Variants in TMC2 observed in about 807,000 individuals in gnomAD.
TMC2 encodes transmembrane channel-like protein 2.
TMC2 carries 102 observed loss-of-function variants against 105.9 expected under a neutral mutation model. The ratio of observed to expected loss-of-function variants is 0.96; its 90% confidence interval spans 0.82 to 1.14. TMC2 has a LOEUF of 1.14. Ranked by LOEUF, TMC2 falls within the 50% of genes most tolerant of loss-of-function variation. TMC2 has a pLI of 0.00. For missense variants in TMC2, 1,093 were observed against 1,134.3 expected (o/e 0.96, Z 0.52); for synonymous variants, 402 against 422.8 (o/e 0.95, Z 0.60).
intron 2 of TMC2, among the ~76,000 whole-genome samples, chr20:2,538,062 C>G (rs1414704295): frequency 6.6e-6 from 1 of 151,204 alleles, no homozygotes; most frequent in Admixed American, 6.6e-5. Context: ...GAGGGAGGGC[C>G]CTTTCCACTC....
chr20:2,589,542 ACTT>A (rs2086254723), intron 7 of TMC2, among the ~76,000 whole-genome samples: 1 of 152,122 alleles, frequency 6.6e-6, no homozygotes, highest in African/African-American at 2.4e-5. Context: ...ATGCACAATC[ACTT>A]CTTCAGAATT....
chr20:2,608,138 A>G (rs550732795), intron 11 of TMC2, among the ~76,000 whole-genome samples: 8,382 of 148,092 alleles, frequency 0.057, 598 homozygotes, highest in African/African-American at 0.16. Flanking sequence ...AAAAAAAAAG[A>G]AAAAAAGAAA....
chr20:2,577,991 T>C (rs1180354943), intron 5 of TMC2, among the ~76,000 whole-genome samples: 1 of 152,136 alleles, frequency 6.6e-6, no homozygotes, highest in Non-Finnish European at 1.5e-5. Context: ...GAATATCTCA[T>C]GTCCTCCATG....
chr20:2,556,338 C>A lies in TMC2; in HGVS notation c.83-2118C>A, dbSNP rs187879130. ...TCATGATCCACCCACCTCAGCCTCC[C>A]AAAGTGCTGGGATTACAGGCGTGAG... On this transcript the variant is annotated intron_variant, in intron 2 of 19. Coordinates refer to ENST00000358864, the MANE Select transcript of TMC2 (RefSeq NM_080751.3). 1.1e-4 allele frequency among the ~76,000 whole-genome samples: 16 copies of A among 152,334 alleles called. No homozygotes were observed. In the East Asian group the frequency reaches 3.1e-3, roughly 29 times the overall value.
At chr20:2,549,561 G>A (rs545396524) in intron 2 of TMC2, among the ~76,000 whole-genome samples, 15 of 152,210 alleles carry the variant, frequency 9.9e-5, no homozygotes, top group African/African-American at 3.4e-4. Flanking sequence ...TGGCCAACAC[G>A]GTGAAACCCT....
rs4815320 is a variant in TMC2 at position 2,558,922 on chromosome 20, T to C, written c.401+148T>C. ...TCTGGCTTCCGTGCCTCCCAGCCCTTACCACTGCCCCACTCTGCGGTGGGT... is the reference window on the plus strand; with the variant it reads ...TCTGGCTTCCGTGCCTCCCAGCCCTCACCACTGCCCCACTCTGCGGTGGGT... On this transcript the variant is annotated intron_variant, in intron 3 of 19. Transcript: ENST00000358864. The surrounding 1 kb of genome is among the most constrained non-coding windows in gnomAD (Gnocchi z 4.6). 1 of 778,576 alleles carries C rather than the reference T, an allele frequency of 1.3e-6. No homozygotes were observed. Among genetic ancestry groups the C allele is most frequent in the Non-Finnish European group, 2.0e-6 (1 of 503,142 alleles). 48.2% of individuals were successfully genotyped at this position (778,576 alleles called of 1,614,324 possible). A position where few individuals can be genotyped will look rare whatever the true frequency, so the allele number is the denominator to read the frequency against.
intron 10 of TMC2, among the ~76,000 whole-genome samples, chr20:2,598,055 C>G (rs1215639781): frequency 6.6e-6 from 1 of 152,134 alleles, no homozygotes. Context: ...TTAGAATACT[C>G]AGAAAGAGCT....
Position 2,546,098 on chromosome 20 carries a change from GTTTT to G in TMC2, c.82+8783_82+8786del, listed in dbSNP as rs2085924770. Among the ~76,000 whole-genome samples the G allele has an allele frequency of 3.9e-5, 6 of 152,250 alleles. No homozygotes were observed. In the South Asian group the frequency reaches 1.2e-3, roughly 32 times the overall value. On this transcript the variant is annotated intron_variant, in intron 2 of 19. Coordinates refer to ENST00000358864, the MANE Select transcript of TMC2 (RefSeq NM_080751.3). ...CTCTCACAAAAGGTCCCCAAGTAGTGTTTTATGGAGGCAGGGCCCTTCTAGGACA... is the reference window on the plus strand; with the variant it reads ...CTCTCACAAAAGGTCCCCAAGTAGTGATGGAGGCAGGGCCCTTCTAGGACA...
chr20:2,537,876 A>G (rs1008084407), intron 2 of TMC2, among the ~76,000 whole-genome samples: 1 of 152,174 alleles, frequency 6.6e-6, no homozygotes, highest in African/African-American at 2.4e-5. Flanking sequence ...AGCCACACTC[A>G]CAGGCTGGGC....
intron 6 of TMC2, among the ~76,000 whole-genome samples, 157 bp downstream of exon 6, chr20:2,579,384 T>TATTA (rs1555773529): frequency 6.8e-6 from 1 of 147,186 alleles, no homozygotes; most frequent in Non-Finnish European, 1.5e-5. Context: ...AAGATTTATT[T>TATTA]TTTATTTATT....
At position 2,621,047 on chromosome 20, in the gene TMC2, C is replaced by T. The variant is rs144196096; in HGVS notation, c.2181-3224C>T. 7.3e-3 allele frequency among the ~76,000 whole-genome samples: 1,109 copies of T among 152,062 alleles called. 9 individuals carry two copies. The highest frequency in any genetic ancestry group is 9.2e-3 in the Non-Finnish European group (626 of 67,978). On this transcript the variant is annotated intron_variant, in intron 16 of 19. Transcript: ENST00000358864. ...ATCATCATGGATTAGCCAGGTGGGC[C>T]CTAAGTCACAAGTGTTCTTATAAGA...
Position 2,558,436 on chromosome 20 carries a change from C to T in TMC2, c.83-20C>T, listed in dbSNP as rs1421746278. 1.9e-6 allele frequency: 3 copies of T among 1,551,462 alleles called. No individual in the cohort carries two copies. Among genetic ancestry groups the T allele is most frequent in the Non-Finnish European group, 2.6e-6 (3 of 1,147,350 alleles). ...CTGAGGCCGTTGGAACCAGAACTGTCCATTTTCCCGCCCCGGCAGGTGACA... is the reference window on the plus strand; with the variant it reads ...CTGAGGCCGTTGGAACCAGAACTGTTCATTTTCCCGCCCCGGCAGGTGACA... On this transcript the variant is annotated intron_variant, in intron 2 of 19. Transcript: ENST00000358864. The surrounding 1 kb of genome is among the most constrained non-coding windows in gnomAD (Gnocchi z 4.6).
In TMC2 at chr20:2,556,111, C is replaced by T. The variant is rs187262715; in HGVS notation, c.83-2345C>T. ...TTTTTTATTTTTATTTTTTTTGAGA[C>T]GGAGCCTTGCTCTGTCACCCAGGCT... On this transcript the variant is annotated intron_variant, in intron 2 of 19. Coordinates refer to ENST00000358864, the MANE Select transcript of TMC2 (RefSeq NM_080751.3). Among the ~76,000 whole-genome samples, 144 of 151,908 alleles carry T rather than the reference C, an allele frequency of 9.5e-4. No homozygotes were observed. The East Asian group carries it at 0.021, about 23-fold the overall frequency.
intron 18 of TMC2, among the ~76,000 whole-genome samples, chr20:2,636,911 CCTT>C (rs889714558): frequency 2.0e-5 from 3 of 152,208 alleles, no homozygotes; most frequent in Admixed American, 6.5e-5. Context: ...GTGCCCAGCC[CCTT>C]CTTCTGTTAA....
chr20:2,574,748 GT>G (rs971095725), intron 5 of TMC2, among the ~76,000 whole-genome samples: 3 of 149,988 alleles, frequency 2.0e-5, no homozygotes, highest in South Asian at 2.1e-4. Context: ...TTGTTTTTTT[GT>G]TTTTTTTTCT....
At chr20:2,628,143 G>C (rs551266347) in intron 17 of TMC2, among the ~76,000 whole-genome samples, 7 of 151,400 alleles carry the variant, frequency 4.6e-5, no homozygotes, top group South Asian at 2.1e-4. Context: ...ACTCCAGCCT[G>C]GGCAAAAGAG....
chr20:2,545,234 A>G (rs1004110836), intron 2 of TMC2, among the ~76,000 whole-genome samples: 38 of 152,182 alleles, frequency 2.5e-4, no homozygotes, highest in African/African-American at 8.9e-4. Context: ...TACATACATA[A>G]AGGCATGCAT....
At chr20:2,584,173 G>A (rs192087698) in intron 7 of TMC2, among the ~76,000 whole-genome samples, 2 of 152,068 alleles carry the variant, frequency 1.3e-5, no homozygotes, top group African/African-American at 2.4e-5. Flanking sequence ...GGCCGGGCGC[G>A]GTGGCTCACG....
At chr20:2,549,667 T>TG (rs1193365786) in intron 2 of TMC2, among the ~76,000 whole-genome samples, 3 of 152,068 alleles carry the variant, frequency 2.0e-5, no homozygotes, top group Middle Eastern at 3.4e-3. Context: ...CCCTTGAATT[T>TG]GGGGGGCAGA....
Sources: gnomAD v4.1 joint callset for allele counts (sites outside exome capture counted in the v4.1 genomes callset) on GRCh38, gnomAD v4.1.1 for gene constraint, Gnocchi (gnomAD v3.1) non-coding constraint, MANE v1.5 for transcripts, NCBI Gene and HGNC (gene_info 2026-07-23, HGNC 2026-07-21) for gene names.